The following ANKS1B variants were observed in gnomAD, a reference collection of about 807,000 sequenced individuals.
ANKS1B encodes the protein ankyrin repeat and sterile alpha motif domain-containing protein 1B.
In ANKS1B, 36 loss-of-function variants were observed where a neutral mutation model predicts 148.3. The ratio of observed to expected loss-of-function variants is 0.24; its 90% CI spans 0.19 to 0.32. The LOEUF (loss-of-function observed/expected upper bound fraction) is 0.32, where lower values mean the gene tolerates loss of function less well. Among genes scored for constraint, ANKS1B ranks in the 10% least tolerant of loss-of-function variants. The pLI is 1.00. For synonymous variants in ANKS1B, 542 were observed against 560.8 expected (o/e 0.97, Z 0.47); for missense variants, 1,157 against 1,542.6 (o/e 0.75, Z 4.19).
At chr12:99,332,108 G>A (rs1010904932) in intron 12 of ANKS1B, among the ~76,000 whole-genome samples, 1 of 151,814 alleles carries the variant, frequency 6.6e-6, no homozygotes, top group Non-Finnish European at 1.5e-5. Context: ...CCTTTCCCTC[G>A]ATATGCTGTA....
intron 10 of ANKS1B, among the ~76,000 whole-genome samples, chr12:99,484,771 T>TTTG (rs1298406957): frequency 2.8e-5 from 4 of 143,544 alleles, no homozygotes; most frequent in Non-Finnish European, 6.2e-5. Flanking sequence ...TGTGTTTTTT[T>TTTG]TTTTTTTTTT....
intron 3 of ANKS1B, among the ~76,000 whole-genome samples, chr12:99,807,734 T>G (rs61234703): frequency 0.016 from 2,373 of 152,146 alleles, 65 homozygotes; most frequent in African/African-American, 0.054. Context: ...CACTGAATAG[T>G]TGAATAACTG....
intron 8 of ANKS1B, among the ~76,000 whole-genome samples, chr12:99,735,699 C>T (rs1188876361): frequency 6.6e-6 from 1 of 151,382 alleles, no homozygotes; most frequent in Non-Finnish European, 1.5e-5. Context: ...AGAACTAGTA[C>T]TAATTCTCCT....
Position 99,198,047 on chromosome 12 carries a change from C to G in ANKS1B, c.2420-43652G>C, listed in dbSNP as rs866328198. Reference sequence around the variant, plus strand: ...TCAATCCCAGCCCACTTGGTGAACTCCCTACCCTTATTCAAACTATAACTC... The same window carrying G: ...TCAATCCCAGCCCACTTGGTGAACTGCCTACCCTTATTCAAACTATAACTC... On this transcript the variant is annotated intron_variant, in intron 14 of 26. Transcript: ENST00000683438. 2.0e-5 allele frequency among the ~76,000 whole-genome samples: 3 copies of G among 152,184 alleles called. 1 individual carries two copies. Among genetic ancestry groups the G allele is most frequent in the Middle Eastern group, 6.8e-3 (2 of 294 alleles).
chr12:99,777,352 G>A (rs1303344529), intron 6 of ANKS1B, among the ~76,000 whole-genome samples: 1 of 152,148 alleles, frequency 6.6e-6, no homozygotes, highest in Non-Finnish European at 1.5e-5. Flanking sequence ...CTTCAAAGAT[G>A]TACTGTATGC....
rs535313106 is a variant in ANKS1B, at chr12:99,831,351, A to G, written c.135-5962T>C. Among the ~76,000 whole-genome samples, 5 of 152,266 alleles carry G rather than the reference A, an allele frequency of 3.3e-5. No homozygotes were observed. In the South Asian group the frequency reaches 8.3e-4, roughly 25 times the overall value. ...TATAATAAGCTGGTGGTGAAAATGTAAATTGGTACAATTTTTCTGGAAGGC... is the reference window on the plus strand; with the variant it reads ...TATAATAAGCTGGTGGTGAAAATGTGAATTGGTACAATTTTTCTGGAAGGC... On this transcript the variant is annotated intron_variant, in intron 1 of 26. Transcript: ENST00000683438.
At chr12:99,884,098 T>C (rs1039274497) in intron 1 of ANKS1B, among the ~76,000 whole-genome samples, 5 of 152,072 alleles carry the variant, frequency 3.3e-5, no homozygotes, top group Admixed American at 1.3e-4. Context: ...TTGTGATTAC[T>C]CTTAATGCTG....
intron 17 of ANKS1B, among the ~76,000 whole-genome samples, chr12:98,853,653 C>T (rs1232066854): frequency 1.3e-5 from 2 of 152,012 alleles, no homozygotes; most frequent in Admixed American, 6.6e-5. Context: ...TTAAATAGAT[C>T]CCCCCTGCTA....
At chr12:99,261,068 A>G (rs1353651559) in intron 12 of ANKS1B, among the ~76,000 whole-genome samples, 1 of 152,184 alleles carries the variant, frequency 6.6e-6, no homozygotes, top group African/African-American at 2.4e-5. Context: ...TAAAGTAAGA[A>G]AATATGGAAA....
chr12:98,890,088 G>A (rs1208495000), intron 17 of ANKS1B, among the ~76,000 whole-genome samples: 1 of 152,188 alleles, frequency 6.6e-6, no homozygotes. Flanking sequence ...ACTAGGAAAT[G>A]TTATCTTCCA....
intron 9 of ANKS1B, 69 bp from the exon 10 acceptor site, chr12:99,504,710 G>C (rs1024985479): frequency 1.7e-6 from 2 of 1,204,150 alleles, no homozygotes; most frequent in Non-Finnish European, 2.2e-6. Flanking sequence ...ATAAAAACTA[G>C]AAAAGATAAT....
chr12:99,572,813 T>C (rs1367369481), intron 9 of ANKS1B, among the ~76,000 whole-genome samples: 1 of 152,118 alleles, frequency 6.6e-6, no homozygotes, highest in Non-Finnish European at 1.5e-5. Context: ...CAACTACAGA[T>C]TTGTATAAGG....
intron 9 of ANKS1B, among the ~76,000 whole-genome samples, chr12:99,552,771 G>A (rs2097234377): frequency 6.6e-6 from 1 of 152,086 alleles, no homozygotes; most frequent in African/African-American, 2.4e-5. Context: ...TATAGAAAAT[G>A]GTGTTGTATT....
At chr12:98,982,927 C>T (rs1200522149) in intron 17 of ANKS1B, among the ~76,000 whole-genome samples, 2 of 152,200 alleles carry the variant, frequency 1.3e-5, no homozygotes, top group African/African-American at 4.8e-5. Flanking sequence ...AAGGTATACA[C>T]ATTTTAAACT....
At chr12:99,243,442 G>T (rs1371823456) in intron 14 of ANKS1B, among the ~76,000 whole-genome samples, 1 of 152,216 alleles carries the variant, frequency 6.6e-6, no homozygotes, top group Admixed American at 6.5e-5. Flanking sequence ...GCATAAATTA[G>T]TTCAACCATT....
chr12:99,984,006 T>C, intron 1 of ANKS1B, 98 bp downstream of exon 1: 1 of 1,087,510 alleles, frequency 9.2e-7, no homozygotes. Context: ...AATGAATCGC[T>C]GGCAGCCACC....
intron 17 of ANKS1B, among the ~76,000 whole-genome samples, chr12:98,847,689 G>A (rs1019568581): frequency 6.6e-6 from 1 of 152,066 alleles, no homozygotes; most frequent in Admixed American, 6.5e-5. Context: ...TCTGCCTCCC[G>A]GGTTCAAACG....
chr12:99,292,037 C>G (rs905393827), intron 12 of ANKS1B, among the ~76,000 whole-genome samples: 8 of 151,984 alleles, frequency 5.3e-5, no homozygotes, highest in African/African-American at 1.7e-4. Flanking sequence ...AATGATAGAC[C>G]TAAAACCATA....
At chr12:99,203,052 C>A (rs1290670153) in intron 14 of ANKS1B, among the ~76,000 whole-genome samples, 2 of 152,266 alleles carry the variant, frequency 1.3e-5, no homozygotes, top group Admixed American at 1.3e-4. Context: ...AGTGAAAGAG[C>A]CAGCCTAGAT....
Sources: allele counts gnomAD v4.1 joint callset (sites outside exome capture counted in the v4.1 genomes callset), GRCh38; gene constraint gnomAD v4.1.1; transcripts MANE v1.5; gene names NCBI Gene and HGNC (gene_info 2026-07-23, HGNC 2026-07-21).